Variants in DISP1 observed in about 807,000 individuals in gnomAD.
The protein encoded by DISP1 is protein dispatched homolog 1.
Under a neutral mutation model 37.3 loss-of-function variants are expected in DISP1, and 30 were observed. The observed-to-expected ratio is 0.80, with a 90% confidence interval of 0.60 to 1.09. DISP1 has a LOEUF of 1.09. DISP1 is among the 50% of genes least tolerant of loss of function. The pLI is 0.00. For synonymous variants in DISP1, 634 were observed against 690.2 expected (o/e 0.92, Z 1.28); for missense variants, 1,598 against 1,879.5 (o/e 0.85, Z 2.77).
At position 222,868,462 on chromosome 1, in the gene DISP1, G is replaced by A. The variant is rs372374015; in HGVS notation, c.-159+53384G>A. On this transcript the variant is annotated intron_variant, in intron 1 of 8. Coordinates refer to ENST00000675850, the MANE Select transcript of DISP1 (RefSeq NM_001377229.1). ...CTAATAACATTCATTATATCATGAA[G>A]TGTTTGGGAGCGGAATTATTCATTA... Among the ~76,000 whole-genome samples the A allele has an allele frequency of 4.6e-5, 7 of 152,252 alleles. No individual in the cohort carries two copies. In the East Asian group the frequency reaches 9.6e-4, roughly 21 times the overall value.
intron 1 of DISP1, among the ~76,000 whole-genome samples, chr1:222,926,969 G>T (rs1357274573): frequency 6.6e-6 from 1 of 152,056 alleles, no homozygotes; most frequent in African/African-American, 2.4e-5. Context: ...AGGATTATTT[G>T]GGGGTTACAA....
intron 1 of DISP1, among the ~76,000 whole-genome samples, chr1:222,918,480 T>C (rs756875157): frequency 3.3e-5 from 5 of 152,204 alleles, no homozygotes; most frequent in Non-Finnish European, 4.4e-5. Flanking sequence ...TGGGAAAATA[T>C]ATTGCTCAAC....
chr1:222,901,627 A>C (rs1671591046), intron 1 of DISP1, among the ~76,000 whole-genome samples: 1 of 152,172 alleles, frequency 6.6e-6, no homozygotes. Flanking sequence ...TCTCGGATTC[A>C]AGCGGTTCTC....
chr1:222,874,284 T>C (rs150501843), intron 1 of DISP1, among the ~76,000 whole-genome samples: 28,593 of 151,674 alleles, frequency 0.19, 2,809 homozygotes, highest in Middle Eastern at 0.32. Context: ...AGTATCTTTG[T>C]GGCGTTCTCT....
intron 3 of DISP1, among the ~76,000 whole-genome samples, chr1:222,982,180 A>G (rs1012403211): frequency 6.6e-6 from 1 of 152,238 alleles, no homozygotes; most frequent in South Asian, 2.1e-4. Context: ...TAAAAGCCGT[A>G]TTCTCATATT....
intron 3 of DISP1, among the ~76,000 whole-genome samples, chr1:222,954,748 A>T (rs1180844894): frequency 6.6e-6 from 1 of 152,040 alleles, no homozygotes; most frequent in East Asian, 1.9e-4. Context: ...AGGCTGGCTC[A>T]CACCTGTCAT....
intron 1 of DISP1, among the ~76,000 whole-genome samples, chr1:222,830,634 G>A (rs1327256160): frequency 1.3e-5 from 2 of 151,992 alleles, no homozygotes; most frequent in East Asian, 3.9e-4. Context: ...CACCTGCCTC[G>A]GTCTCCCAAA....
intron 3 of DISP1, among the ~76,000 whole-genome samples, chr1:222,970,688 A>T (rs1395700596): frequency 6.6e-6 from 1 of 152,198 alleles, no homozygotes; most frequent in Non-Finnish European, 1.5e-5. Context: ...ACTGAAGCCA[A>T]AGAGGCTAAA....
intron 1 of DISP1, among the ~76,000 whole-genome samples, chr1:222,922,969 G>T (rs78513966): frequency 7.9e-5 from 12 of 152,156 alleles, no homozygotes; most frequent in African/African-American, 2.4e-4. Flanking sequence ...AGGACCACTG[G>T]GTTTCATTTT....
At chr1:222,999,776 G>A (rs1307566377) in intron 8 of DISP1, among the ~76,000 whole-genome samples, 1 of 152,048 alleles carries the variant, frequency 6.6e-6, no homozygotes, top group East Asian at 1.9e-4. Flanking sequence ...TTTAAATTCA[G>A]CGTGTTGGCA....
At chr1:222,846,083 A>C (rs1037825140) in intron 1 of DISP1, among the ~76,000 whole-genome samples, 2 of 152,206 alleles carry the variant, frequency 1.3e-5, no homozygotes, top group Non-Finnish European at 2.9e-5. Context: ...TTTTTCATTT[A>C]GGTCTATAAT....
intron 3 of DISP1, among the ~76,000 whole-genome samples, chr1:222,973,540 C>A (rs1334978034): frequency 6.6e-6 from 1 of 152,144 alleles, no homozygotes; most frequent in Non-Finnish European, 1.5e-5. Flanking sequence ...TGCCCCATTG[C>A]ATGGATGTGC....
chr1:222,886,586 A>C (rs1241849183), intron 1 of DISP1, among the ~76,000 whole-genome samples: 2 of 152,242 alleles, frequency 1.3e-5, no homozygotes, highest in Admixed American at 1.3e-4. Context: ...GCTAGGTGCC[A>C]GCTCTTTGAA....
intron 3 of DISP1, among the ~76,000 whole-genome samples, chr1:222,950,649 G>GC (rs950490920): frequency 6.6e-6 from 1 of 152,024 alleles, no homozygotes; most frequent in Non-Finnish European, 1.5e-5. Context: ...GATTGTGGGA[G>GC]CGGAGGGTCA....
intron 1 of DISP1, among the ~76,000 whole-genome samples, chr1:222,912,612 C>T (rs1481306536): frequency 2.0e-5 from 3 of 152,222 alleles, no homozygotes; most frequent in African/African-American, 7.2e-5. Context: ...CTCATTCTCT[C>T]CTCCTCTATT....
At chr1:222,886,973 G>A (rs549529329) in intron 1 of DISP1, among the ~76,000 whole-genome samples, 1 of 152,164 alleles carries the variant, frequency 6.6e-6, no homozygotes, top group African/African-American at 2.4e-5. Context: ...GCACTGGCAT[G>A]TTTAACTGCA....
chr1:222,976,383 A>G (rs537048404), intron 3 of DISP1, among the ~76,000 whole-genome samples: 1 of 152,236 alleles, frequency 6.6e-6, no homozygotes, highest in South Asian at 2.1e-4. Context: ...GTTTCTGGTA[A>G]GAGATTGCAA....
At position 222,990,623 on chromosome 1, in the gene DISP1, A is replaced by T; in HGVS notation, c.540-2A>T. 1 of 1,613,914 alleles carries T rather than the reference A, an allele frequency of 6.2e-7. No individual in the cohort carries two copies. Among genetic ancestry groups the T allele is most frequent in the Admixed American group, 1.7e-5 (1 of 60,010 alleles). Reference sequence around the variant, plus strand: ...TAGCCGACACTTCTTTGTGTTTTGTAGTTATGCAGCCCTGATAGCCGACTG... The same window carrying T: ...TAGCCGACACTTCTTTGTGTTTTGTTGTTATGCAGCCCTGATAGCCGACTG... On this transcript the variant is annotated splice_acceptor_variant, in intron 4 of 8. Coordinates refer to ENST00000675850, the MANE Select transcript of DISP1 (RefSeq NM_001377229.1). LOFTEE classifies it high-confidence loss of function.
intron 1 of DISP1, among the ~76,000 whole-genome samples, chr1:222,847,347 T>C (rs1319930427): frequency 6.6e-6 from 1 of 152,180 alleles, no homozygotes; most frequent in African/African-American, 2.4e-5. Flanking sequence ...TTATTTTTAG[T>C]GGAGAATGGT....
Sources: gnomAD v4.1 joint callset for allele counts (sites outside exome capture counted in the v4.1 genomes callset) on GRCh38, gnomAD v4.1.1 for gene constraint, MANE v1.5 for transcripts, NCBI Gene and HGNC (gene_info 2026-07-23, HGNC 2026-07-21) for gene names.